Variants in ZNF880 observed in about 807,000 individuals in gnomAD.
ZNF880 encodes the protein zinc finger protein 880.
A neutral mutation model predicts 11.8 loss-of-function variants in ZNF880; 12 were observed. The ratio of observed to expected loss-of-function variants is 1.02; its 90% confidence interval spans 0.65 to 1.65. The LOEUF (loss-of-function observed/expected upper bound fraction) is 1.65, where lower values mean the gene tolerates loss of function less well. Ranked by LOEUF, ZNF880 falls within the 40% of genes most tolerant of loss-of-function variation. ZNF880 has a pLI of 0.00. For synonymous variants in ZNF880, 210 were observed against 232.4 expected (o/e 0.90, Z 0.88); for missense variants, 601 against 673.9 (o/e 0.89, Z 1.20).
chr19:52,369,909 T>C, upstream of ZNF880: 2 of 1,551,360 alleles, frequency 1.3e-6, no homozygotes, highest in South Asian at 2.4e-5. Flanking sequence ...GCCTCGCCTC[T>C]CAGCTGCGCG....
chr19:52,384,015 A>G lies in ZNF880; in HGVS notation c.435A>G (p.Pro145=). The G allele has an allele frequency of 6.4e-7, 1 of 1,554,104 alleles. No homozygotes were observed. Among genetic ancestry groups the G allele is most frequent in the Middle Eastern group, 1.7e-4 (1 of 5,992 alleles). Residue 145 remains proline (P), a synonymous_variant, in exon 4 of 4, where the codon CCA becomes CCG. Transcript: ENST00000422689. The part of the protein sequence containing the change: ...EKPINNSLVS[P]LQKIYSSVKS... Reference sequence around the variant, plus strand: ...CTATCAACAATTCCTTAGTTTCACCACTTCAAAAAATTTATTCTAGTGTCA... The same window carrying G: ...CTATCAACAATTCCTTAGTTTCACCGCTTCAAAAAATTTATTCTAGTGTCA...
chr19:52,374,428 G>GT lies in ZNF880; in HGVS notation c.268+2dup. 6.2e-7 allele frequency: 1 copy of GT among 1,610,530 alleles called. No individual in the cohort carries two copies. The highest frequency in any genetic ancestry group is 2.2e-5 in the East Asian group (1 of 44,828). On this transcript the variant is annotated splice_donor_variant, in intron 3 of 3. Transcript: ENST00000422689. LOFTEE classifies it high-confidence loss of function. The stretch of plus-strand genomic sequence containing the variant: ...GAGTGCATCAAAGGTGTGAACGCAG[G>GT]TAAGAGCTTGGATGGCCAGAGTGGA...
rs1366326786 is a variant in ZNF880 at position 52,385,769 on chromosome 19, A to G, written c.*455A>G. ...TCAGTTATATTCAGGCAATTAAAAA[A>G]CCTAATTATATGGGGTTTTTTGAAA... On this transcript the variant is annotated 3_prime_UTR_variant, in exon 4 of 4. Transcript: ENST00000422689. 1.3e-5 allele frequency: 2 copies of G among 149,746 alleles called. 1 individual carries two copies. The highest frequency in any genetic ancestry group is 5.3e-5 in the African/African-American group (2 of 37,412). The allele number at this position is 149,746 out of a possible 1,614,324, so 9.3% of individuals were successfully genotyped here. A position where few individuals can be genotyped will look rare whatever the true frequency, so the allele number is the denominator to read the frequency against.
At position 52,385,616 on chromosome 19, in the gene ZNF880, C is replaced by G. The variant is rs557593685; in HGVS notation, c.*302C>G. The G allele has an allele frequency of 1.0e-4, 26 of 250,666 alleles. 2 individuals carry two copies. In the South Asian group the frequency reaches 1.6e-3, roughly 15 times the overall value. 15.5% of individuals were successfully genotyped at this position (250,666 alleles called of 1,614,324 possible). ...ACTATGGAACATGATAAGATTTACA[C>G]AAGCGATAATTCAGTCTCTAGTTCT... On this transcript the variant is annotated 3_prime_UTR_variant, in exon 4 of 4. Coordinates refer to ENST00000422689, the MANE Select transcript of ZNF880 (RefSeq NM_001145434.2).
At chr19:52,393,487 A>C in the ZNF880 span, among the ~76,000 whole-genome samples, 1 of 152,092 alleles carries the variant, frequency 6.6e-6, no homozygotes, top group African/African-American at 2.4e-5. Context: ...AAATATGAGA[A>C]AGGGAAAAAA....
At chr19:52,396,121 A>ATTTTTTTTTTTTTTTTTT in the ZNF880 span, among the ~76,000 whole-genome samples, 2 of 120,646 alleles carry the variant, frequency 1.7e-5, no homozygotes, top group Non-Finnish European at 3.3e-5. Context: ...TGCCTGGCTA[A>ATTTTTTTTTTTTTTTTTT]TTTTTTTTTT....
In ZNF880 at chr19:52,384,024, A is replaced by C; in HGVS notation, c.444A>C (p.Lys148Asn). The C allele has an allele frequency of 6.4e-7, 1 of 1,554,926 alleles. No individual in the cohort carries two copies. ...INNSLVSPLQ[K>N]IYSSVKSHIL... is the part of the protein sequence containing the mutation. ...ATTCCTTAGTTTCACCACTTCAAAA[A>C]ATTTATTCTAGTGTCAAATCCCACA... The change falls in exon 4 of 4, where the codon AAA becomes AAC. Residue 148 changes from lysine (K) to asparagine (N), a missense_variant. By Grantham distance (94) the Lys-to-Asn change is moderately conservative. Coordinates refer to ENST00000422689, the MANE Select transcript of ZNF880 (RefSeq NM_001145434.2).
At position 52,373,252 on chromosome 19, in the gene ZNF880, C is replaced by T. The variant is rs888228842; in HGVS notation, c.139+15C>T. On this transcript the variant is annotated intron_variant, in intron 2 of 3. Coordinates refer to ENST00000422689, the MANE Select transcript of ZNF880 (RefSeq NM_001145434.2). ...GGTCTTTCTGGGTGAGGATAATGTC[C>T]CTTCAGAAGTCAAGATCTGCCCTGG... is the stretch of plus-strand genomic sequence containing the variant. 6.2e-7 allele frequency: 1 copy of T among 1,604,676 alleles called. No homozygotes were observed. The highest frequency in any genetic ancestry group is 8.5e-7 in the Non-Finnish European group (1 of 1,175,526).
At position 52,384,625 on chromosome 19, in the gene ZNF880, G is replaced by C. The variant is rs1188896014; in HGVS notation, c.1045G>C (p.Glu349Gln). Residue 349 changes from glutamate to glutamine, a missense_variant, in exon 4 of 4, where the codon GAG (glutamate) becomes CAG (glutamine). By Grantham distance (29) the Glu-to-Gln change is conservative. This residue lies in a region of ZNF880 where 420 missense variants were observed against 442.6 expected (regional missense o/e 0.95). Transcript: ENST00000422689. Reference sequence around the variant, plus strand: ...TGCTCATCTTGTAATTCACACTGGAGAGAAACTTTACAAATGTAATAAATG... The same window carrying C: ...TGCTCATCTTGTAATTCACACTGGACAGAAACTTTACAAATGTAATAAATG... ...LTAHLVIHTGEKLYKCNKCGK... is the reference protein window; with the variant it reads ...LTAHLVIHTGQKLYKCNKCGK... 2 of 1,612,030 alleles carry C rather than the reference G, an allele frequency of 1.2e-6. No homozygotes were observed. The highest frequency in any genetic ancestry group is 2.2e-5 in the South Asian group (2 of 90,900).
At chr19:52,386,880 G>A (rs1342472939), downstream of ZNF880, among the ~76,000 whole-genome samples, 1 of 142,736 alleles carries the variant, frequency 7.0e-6, no homozygotes, top group Non-Finnish European at 1.5e-5. Flanking sequence ...TAAACTACCA[G>A]TATGCCATGT....
intron 3 of ZNF880, 34 bp downstream of exon 3, chr19:52,374,461 T>TA: frequency 6.3e-7 from 1 of 1,579,332 alleles, no homozygotes; most frequent in South Asian, 1.2e-5. Flanking sequence ...GGAGGCCCCA[T>TA]AATTTTTTTT....
upstream of ZNF880, among the ~76,000 whole-genome samples, chr19:52,368,190 G>T (rs944264447): frequency 1.5e-5 from 2 of 131,418 alleles, no homozygotes; most frequent in South Asian, 5.1e-4. Flanking sequence ...TGGTGACAGA[G>T]CAAGGCTCCG....
At chr19:52,373,720 C>T (rs1184463621) in intron 2 of ZNF880, among the ~76,000 whole-genome samples, 1 of 132,262 alleles carries the variant, frequency 7.6e-6, no homozygotes, top group Non-Finnish European at 1.5e-5. Flanking sequence ...TGTTGCCAGG[C>T]TGGAGTGCAG....
the ZNF880 span, among the ~76,000 whole-genome samples, chr19:52,393,813 C>T: frequency 1.3e-5 from 2 of 148,624 alleles, no homozygotes; most frequent in African/African-American, 4.9e-5. Flanking sequence ...TTTTGTTTCA[C>T]ATGTATTTCT....
chr19:52,373,837 ATT>A (rs965984631), intron 2 of ZNF880, among the ~76,000 whole-genome samples: 1 of 151,178 alleles, frequency 6.6e-6, no homozygotes, highest in African/African-American at 2.4e-5. Flanking sequence ...CGCCTGGCTA[ATT>A]TTTGTATTTT....
chr19:52,388,921 G>A (rs79118531), downstream of ZNF880: 2 of 152,154 alleles, frequency 1.3e-5, no homozygotes, highest in Admixed American at 6.6e-5. Context: ...GGTGAAGGAG[G>A]AGCAAACACA....
rs1287131009 is a variant in ZNF880 at position 52,369,988 on chromosome 19, C to T, written c.12+11C>T. On this transcript the variant is annotated intron_variant, in intron 1 of 3. Coordinates refer to ENST00000422689, the MANE Select transcript of ZNF880 (RefSeq NM_001145434.2). ...GTCATGCTGCGGCGTGTGAGTTTCC[C>T]TTTGTTTAGATTAAATCTGGGATGC... 4 of 1,551,596 alleles carry T rather than the reference C, an allele frequency of 2.6e-6. No individual in the cohort carries two copies. Among genetic ancestry groups the T allele is most frequent in the East Asian group, 4.9e-5 (2 of 40,900 alleles).
intron 3 of ZNF880, among the ~76,000 whole-genome samples, chr19:52,375,332 G>A (rs1213849946): frequency 2.0e-5 from 3 of 151,370 alleles, no homozygotes; most frequent in East Asian, 2.0e-4. Flanking sequence ...GATTACAGGC[G>A]TGCACCACCA....
chr19:52,392,292 T>TTCTG, the ZNF880 span, among the ~76,000 whole-genome samples: 1 of 151,302 alleles, frequency 6.6e-6, no homozygotes, highest in Non-Finnish European at 1.5e-5. Flanking sequence ...CTTCCTCCCT[T>TTCTG]TCTCTCTCTC....
Sources: gnomAD v4.1 joint callset for allele counts (sites outside exome capture counted in the v4.1 genomes callset) on GRCh38, gnomAD v4.1.1 for gene constraint, gnomAD v4.1.1 regional missense constraint, MANE v1.5 for transcripts, NCBI Gene and HGNC (gene_info 2026-07-23, HGNC 2026-07-21) for gene names.